The following NEURL4 variants were observed in gnomAD, a reference collection of about 807,000 sequenced individuals.
NEURL4 encodes neuralized-like protein 4.
Under a neutral mutation model 148.0 loss-of-function variants are expected in NEURL4, and 45 were observed. That is an observed-to-expected ratio of 0.30 (90% confidence interval 0.24 to 0.39). The LOEUF (loss-of-function observed/expected upper bound fraction) is 0.39, where lower values mean the gene tolerates loss of function less well. Ranked by LOEUF, NEURL4 falls within the 10% of genes least tolerant of loss-of-function variation. The pLI is 1.00. For missense variants in NEURL4, 1,776 were observed against 2,144.0 expected (o/e 0.83, Z 3.39); for synonymous variants, 854 against 869.0 (o/e 0.98, Z 0.30).
Position 7,321,879 on chromosome 17 carries a change from C to T in NEURL4, c.2857G>A (p.Glu953Lys), listed in dbSNP as rs1383020560. The T allele has an allele frequency of 1.2e-6, 2 of 1,613,726 alleles. No individual in the cohort carries two copies. The highest frequency in any genetic ancestry group is 1.3e-5 in the African/African-American group (1 of 75,068). The part of the protein sequence containing the change: ...LVFSTKELRA[E>K]EVFEVKVEEL... ...CTACGGCCTACCTCAAAGACTTCCT[C>T]AGCCCTCAGCTCCTTGGTACTGAAG... The change falls in exon 17 of 29, where the codon GAG (glutamate) becomes AAG (lysine). Residue 953 changes from glutamate (E) to lysine (K), a missense_variant. Transcript: ENST00000399464. This position sits in a 1 kb window ranked among gnomAD's most constrained non-coding sequence, Gnocchi z 6.3.
At position 7,318,187 on chromosome 17, in the gene NEURL4, G is replaced by T. The variant is rs756665769; in HGVS notation, c.3953-15C>A. On this transcript the variant is annotated splice_polypyrimidine_tract_variant and intron_variant, in intron 24 of 28. Coordinates refer to ENST00000399464, the MANE Select transcript of NEURL4 (RefSeq NM_032442.3). This position sits in a 1 kb window ranked among gnomAD's most constrained non-coding sequence, Gnocchi z 4.3. ...CTCTTTGATACCTGAGGGAGCAGAG[G>T]GGCACAGGTCACAGGAGCTGGGCTA... 1 of 1,612,814 alleles carries T rather than the reference G, an allele frequency of 6.2e-7. No individual in the cohort carries two copies. The highest frequency in any genetic ancestry group is 8.5e-7 in the Non-Finnish European group (1 of 1,178,748).
Position 7,317,322 on chromosome 17 carries a change from A to G in NEURL4, c.4367T>C (p.Val1456Ala). The stretch of plus-strand genomic sequence containing the variant: ...GTTCTCGCCAGGCTCCTCGAACCCT[A>G]CCCCAGGTTCTCCCTTCAAAGGACG... Reference protein sequence around the residue: ...SCRPLKGEPGVGFEEPGENCA... With the variant: ...SCRPLKGEPGAGFEEPGENCA... Residue 1456 changes from valine to alanine, a missense_variant, in exon 28 of 29, where the codon GTA becomes GCA. Val to Ala is a moderately conservative substitution (Grantham distance 64). Coordinates refer to ENST00000399464, the MANE Select transcript of NEURL4 (RefSeq NM_032442.3). The G allele has an allele frequency of 1.3e-6, 2 of 1,542,780 alleles. No homozygotes were observed. The highest frequency in any genetic ancestry group is 1.7e-6 in the Non-Finnish European group (2 of 1,143,556).
In NEURL4 at chr17:7,327,653, A is replaced by T; in HGVS notation, c.514T>A (p.Trp172Arg). ...ERTVAGELRL[W>R]VNGRDCGVAA... ...ACACCGCAATCCCGCCCATTCACCC[A>T]GAGCCGAAGCTCCCCAGCAACTGTG... The change falls in exon 2 of 29, where the codon TGG becomes AGG. Residue 172 changes from tryptophan (W) to arginine (R), a missense_variant. Physicochemically the swap from Trp to Arg is moderately radical, Grantham distance 101 (BLOSUM62 -3). Transcript: ENST00000399464. The surrounding 1 kb of genome is among the most constrained non-coding windows in gnomAD (Gnocchi z 6.6). 6.2e-7 allele frequency: 1 copy of T among 1,613,736 alleles called. No individual in the cohort carries two copies. The highest frequency in any genetic ancestry group is 8.5e-7 in the Non-Finnish European group (1 of 1,179,988).
chr17:7,328,339 C>T (rs1567623941), intron 1 of NEURL4, among the ~76,000 whole-genome samples: 2 of 152,212 alleles, frequency 1.3e-5, no homozygotes, highest in African/African-American at 4.8e-5. Context: ...ATCACACACA[C>T]CTCCCTCACC....
intron 1 of NEURL4, among the ~76,000 whole-genome samples, 189 bp downstream of exon 1, chr17:7,328,842 C>G (rs760258088): frequency 6.6e-6 from 1 of 152,106 alleles, no homozygotes; most frequent in Non-Finnish European, 1.5e-5. Context: ...AACTCAAGCT[C>G]TTAATGTCAT....
chr17:7,319,705 A>C (rs1251041284), intron 21 of NEURL4, among the ~76,000 whole-genome samples: 61 of 102,068 alleles, frequency 6.0e-4, no homozygotes, highest in Middle Eastern at 4.3e-3. Context: ...CGTCTCAAAA[A>C]AAACAAAAAA....
chr17:7,319,979 G>A lies in NEURL4; in HGVS notation c.3526-771C>T, dbSNP rs1360955055. ...CGAGTAGCTGGGACTACAGGCGCCC[G>A]CCACCACGCCCGGCTAATTTTTTGT... On this transcript the variant is annotated intron_variant, in intron 21 of 28. Transcript: ENST00000399464. Among the ~76,000 whole-genome samples, 53 of 151,482 alleles carry A rather than the reference G, an allele frequency of 3.5e-4. 1 individual carries two copies. The highest frequency in any genetic ancestry group is 1.5e-4 in the African/African-American group (6 of 41,268).
chr17:7,321,328 C>G lies in NEURL4; in HGVS notation c.3198+33G>C, dbSNP rs758406573. On this transcript the variant is annotated intron_variant, in intron 19 of 28. Coordinates refer to ENST00000399464, the MANE Select transcript of NEURL4 (RefSeq NM_032442.3). The surrounding 1 kb of genome is among the most constrained non-coding windows in gnomAD (Gnocchi z 6.3). ...GAGATCAGCAGAAGACCTCAACCATCCTCCCAGAACCCAAGGAAGCGTTCA... is the reference window on the plus strand; with the variant it reads ...GAGATCAGCAGAAGACCTCAACCATGCTCCCAGAACCCAAGGAAGCGTTCA... 7 of 1,613,642 alleles carry G rather than the reference C, an allele frequency of 4.3e-6. No individual in the cohort carries two copies. The highest frequency in any genetic ancestry group is 4.0e-5 in the African/African-American group (3 of 74,904).
At chr17:7,323,426 C>T in intron 14 of NEURL4, 59 bp downstream of exon 14, 2 of 1,572,538 alleles carry the variant, frequency 1.3e-6, no homozygotes, top group Non-Finnish European at 1.8e-6. Flanking sequence ...AACCTTGCTT[C>T]CCTGATCCCA....
rs2072983187 is a variant in NEURL4 at position 7,318,562 on chromosome 17, C to T, written c.3797G>A (p.Gly1266Glu). The change falls in exon 23 of 29, where the codon GGG becomes GAG. Residue 1266 changes from glycine to glutamate, a missense_variant. Transcript: ENST00000399464. This position sits in a 1 kb window ranked among gnomAD's most constrained non-coding sequence, Gnocchi z 4.3. ...CTGGGGCACATCTGGCACAGCTACC[C>T]CCTGGTCCACCCCATTAACATGAAG... ...LHLHVNGVDQ[G>E]VAVPDVPQPC... is the part of the protein sequence containing the mutation. 1 of 1,613,778 alleles carries T rather than the reference C, an allele frequency of 6.2e-7. No individual in the cohort carries two copies. Among genetic ancestry groups the T allele is most frequent in the Non-Finnish European group, 8.5e-7 (1 of 1,179,892 alleles).
chr17:7,320,766 A>G lies in NEURL4; in HGVS notation c.3518T>C (p.Leu1173Pro). The change falls in exon 21 of 29, where the codon CTG becomes CCG. Residue 1173 changes from leucine to proline, a missense_variant. Transcript: ENST00000399464. ...VINQPLVPQL[L>P]VQVRIDFLNR... ...TAGGGAGGGAGAACCCACCTGCACC[A>G]GCAGCTGGGGCACCAGAGGTTGGTT... 1.9e-6 allele frequency: 3 copies of G among 1,613,364 alleles called. No individual in the cohort carries two copies. The highest frequency in any genetic ancestry group is 2.5e-6 in the Non-Finnish European group (3 of 1,179,504).
intron 28 of NEURL4, 96 bp from the exon 29 acceptor site, chr17:7,316,423 G>C: frequency 1.0e-6 from 1 of 958,050 alleles, no homozygotes; most frequent in Non-Finnish European, 1.6e-6. Context: ...GCTGTACCTA[G>C]GAAATACTCC....
rs368029356 is a variant in NEURL4, at chr17:7,322,781, C to T, written c.2679G>A (p.Ala893=). Residue 893 remains alanine, a synonymous_variant, in exon 16 of 29, where the codon GCG becomes GCA. Coordinates refer to ENST00000399464, the MANE Select transcript of NEURL4 (RefSeq NM_032442.3). This position sits in a 1 kb window ranked among gnomAD's most constrained non-coding sequence, Gnocchi z 5.5. ...NATGPMDNSL[A]TSNTATEKSF... ...ACTTCTCGGTGGCAGTGTTGCTGGT[C>T]GCCAGGCTGTTGTCCATGGGGCCGG... is the stretch of plus-strand genomic sequence containing the variant. 6.8e-5 allele frequency: 110 copies of T among 1,613,280 alleles called. No homozygotes were observed. The highest frequency in any genetic ancestry group is 8.9e-5 in the Non-Finnish European group (105 of 1,179,818).
Position 7,324,862 on chromosome 17 carries a change from C to G in NEURL4, c.1750G>C (p.Gly584Arg). The part of the protein sequence containing the change: ...VDKWAGSIEI[G>R]VTTHNPAYLQ... ...TAGGCAGGGTTGTGGGTGGTGACAC[C>G]AATTTCAATGGAGCCAGCCCATTTG... Residue 584 changes from glycine (G) to arginine (R), a missense_variant, in exon 9 of 29, where the codon GGT becomes CGT. By Grantham distance (125) the Gly-to-Arg change is moderately radical (BLOSUM62 -2). Coordinates refer to ENST00000399464, the MANE Select transcript of NEURL4 (RefSeq NM_032442.3). This position sits in a 1 kb window ranked among gnomAD's most constrained non-coding sequence, Gnocchi z 5.9. The G allele has an allele frequency of 6.2e-7, 1 of 1,614,138 alleles. No individual in the cohort carries two copies. The highest frequency in any genetic ancestry group is 8.5e-7 in the Non-Finnish European group (1 of 1,180,028).
rs2073023244 is a variant in NEURL4 at position 7,320,892 on chromosome 17, G to A, written c.3392C>T (p.Thr1131Ile). ...GQNEVGIIPT[T>I]LEFLENHGKN... is the part of the protein sequence containing the mutation. ...CCCATGGTTCTCCAGGAACTCGAGG[G>A]TGGTGGGTATAATACCCACTTCATT... Residue 1131 changes from threonine (T) to isoleucine (I), a missense_variant, in exon 21 of 29, where the codon ACC becomes ATC. Coordinates refer to ENST00000399464, the MANE Select transcript of NEURL4 (RefSeq NM_032442.3). 1 of 1,614,094 alleles carries A rather than the reference G, an allele frequency of 6.2e-7. No homozygotes were observed. Among genetic ancestry groups the A allele is most frequent in the Non-Finnish European group, 8.5e-7 (1 of 1,180,006 alleles).
Position 7,321,514 on chromosome 17 carries a change from C to T in NEURL4, c.3099+46G>A. The T allele has an allele frequency of 6.2e-7, 1 of 1,612,736 alleles. No individual in the cohort carries two copies. Among genetic ancestry groups the T allele is most frequent in the South Asian group, 1.1e-5 (1 of 91,066 alleles). ...ATGTTCAGCCCACCTCTCCCTGCCA[C>T]CTCCACTCCCAACCCCTCCCCTGTC... On this transcript the variant is annotated intron_variant, in intron 18 of 28. Transcript: ENST00000399464. This position sits in a 1 kb window ranked among gnomAD's most constrained non-coding sequence, Gnocchi z 6.3.
intron 8 of NEURL4, 41 bp downstream of exon 8, chr17:7,325,168 G>GAA: frequency 1.9e-6 from 1 of 540,270 alleles, no homozygotes; most frequent in African/African-American, 5.5e-5. Context: ...CCCCCCATTA[G>GAA]AATCCCTTCT....
chr17:7,323,395 C>T (rs2073057720), intron 14 of NEURL4, 90 bp downstream of exon 14: 3 of 1,366,264 alleles, frequency 2.2e-6, no homozygotes, highest in Non-Finnish European at 3.1e-6. Context: ...TCTGTCACTA[C>T]CCACAGCCAC....
At position 7,318,017 on chromosome 17, in the gene NEURL4, G is replaced by A. The variant is rs1486318403; in HGVS notation, c.4060+48C>T. The A allele has an allele frequency of 1.2e-6, 2 of 1,613,838 alleles. No homozygotes were observed. The highest frequency in any genetic ancestry group is 3.3e-5 in the Admixed American group (2 of 60,032). On this transcript the variant is annotated intron_variant, in intron 25 of 28. Coordinates refer to ENST00000399464, the MANE Select transcript of NEURL4 (RefSeq NM_032442.3). The surrounding 1 kb of genome is among the most constrained non-coding windows in gnomAD (Gnocchi z 4.3). ...CCTCCAGCTGCTCTCCAAGGCTCTA[G>A]GCCTGGCCCTGGGAATGAAGTCAGT...
Sources: gnomAD v4.1 joint callset for allele counts (sites outside exome capture counted in the v4.1 genomes callset) on GRCh38, gnomAD v4.1.1 for gene constraint, Gnocchi (gnomAD v3.1) non-coding constraint, MANE v1.5 for transcripts, NCBI Gene and HGNC (gene_info 2026-07-23, HGNC 2026-07-21) for gene names.